KIF17: variants seen among roughly 807,000 people sequenced by gnomAD.
KIF17 encodes the protein kinesin family member 17.
Under a neutral mutation model 96.8 loss-of-function variants are expected in KIF17, and 80 were observed. The observed-to-expected ratio is 0.83, with a 90% CI of 0.69 to 1.00. The LOEUF (loss-of-function observed/expected upper bound fraction) is 1.00. KIF17 is among the 50% of genes least tolerant of loss of function. The pLI is 0.00. For missense variants in KIF17, 1,280 were observed against 1,372.9 expected (o/e 0.93, Z 1.07); for synonymous variants, 567 against 587.5 (o/e 0.97, Z 0.51).
chr1:20,712,560 TTA>T (rs1191328810), intron 3 of KIF17, among the ~76,000 whole-genome samples: 1 of 63,988 alleles, frequency 1.6e-5, no homozygotes, highest in African/African-American at 4.0e-5. Context: ...ATTATCTATA[TTA>T]TATATATAGA....
chr1:20,686,232 ACC>A, intron 8 of KIF17, 106 bp from the exon 9 acceptor site: 2 of 842,356 alleles, frequency 2.4e-6, no homozygotes, highest in Non-Finnish European at 3.9e-6. Context: ...GCCTCCCACC[ACC>A]CCCCAACCTC....
chr1:20,673,257 G>A (rs2053679809), intron 11 of KIF17, among the ~76,000 whole-genome samples: 1 of 152,000 alleles, frequency 6.6e-6, no homozygotes, highest in Non-Finnish European at 1.5e-5. Flanking sequence ...ATAAAAGAAG[G>A]ATGTTTGAAT....
At chr1:20,713,374 T>C in intron 3 of KIF17, 80 bp downstream of exon 3, 1 of 1,037,912 alleles carries the variant, frequency 9.6e-7, no homozygotes, top group East Asian at 2.5e-5. Flanking sequence ...CAGGACACTT[T>C]CCCATATTTC....
intron 11 of KIF17, among the ~76,000 whole-genome samples, chr1:20,675,092 A>G (rs1570436620): frequency 1.3e-5 from 2 of 149,858 alleles, no homozygotes; most frequent in Non-Finnish European, 1.5e-5. Flanking sequence ...CAGAGGTTGC[A>G]GTGAGCCAAG....
At chr1:20,671,114 C>T (rs1199454437) in intron 12 of KIF17, among the ~76,000 whole-genome samples, 1 of 152,138 alleles carries the variant, frequency 6.6e-6, no homozygotes, top group South Asian at 2.1e-4. Flanking sequence ...GGTTTTGATC[C>T]ATGGTCCTCC....
chr1:20,661,692 G>T, downstream of KIF17: 1 of 435,194 alleles, frequency 2.3e-6, no homozygotes, highest in African/African-American at 2.0e-5. Context: ...CCCCTAGTCT[G>T]GAGCCCACTT....
chr1:20,701,726 C>A (rs1484665991), intron 5 of KIF17, among the ~76,000 whole-genome samples: 3 of 152,142 alleles, frequency 2.0e-5, no homozygotes, highest in Non-Finnish European at 4.4e-5. Flanking sequence ...GCTGAGCCAA[C>A]TGGTGCTGAG....
Position 20,685,481 on chromosome 1 carries a change from C to T in KIF17, c.2020-461G>A, listed in dbSNP as rs1015870352. Among the ~76,000 whole-genome samples, 33 of 152,008 alleles carry T rather than the reference C, an allele frequency of 2.2e-4. No individual in the cohort carries two copies. The highest frequency in any genetic ancestry group is 1.8e-3 in the Admixed American group (27 of 15,256). ...ATAGGACCTTGGCACTTGCTATCCC[C>T]TCTGCTTGCTGCTTCCCCCCGTCCC... is the stretch of plus-strand genomic sequence containing the variant. On this transcript the variant is annotated intron_variant, in intron 9 of 14. Coordinates refer to ENST00000400463, the MANE Select transcript of KIF17 (RefSeq NM_001122819.3). This position sits in a 1 kb window ranked among gnomAD's most constrained non-coding sequence, Gnocchi z 4.1.
chr1:20,705,890 T>C (rs1238701862), intron 4 of KIF17, among the ~76,000 whole-genome samples: 1 of 131,304 alleles, frequency 7.6e-6, no homozygotes, highest in East Asian at 2.0e-4. Flanking sequence ...CAGTAGGATG[T>C]CTCTTTTTTT....
Position 20,690,352 on chromosome 1 carries a change from G to GGGGCGCCCA in KIF17, c.1234-18_1234-17insTGGGCGCCC. On this transcript the variant is annotated splice_polypyrimidine_tract_variant and intron_variant, in intron 6 of 14. Transcript: ENST00000400463. ...TTCATACTCCTGGGGGGGTGGGAGG[G>GGGGCGCCCA]ACCAGAGGGCAGGCAGCATTTTATC... 2.2e-6 allele frequency: 1 copy of GGGGCGCCCA among 451,174 alleles called. No homozygotes were observed. 27.9% of individuals were successfully genotyped at this position (451,174 alleles called of 1,614,324 possible).
At position 20,709,378 on chromosome 1, in the gene KIF17, C is replaced by CA. The variant is rs1174815436; in HGVS notation, c.670+260dup. On this transcript the variant is annotated intron_variant, in intron 4 of 14. Transcript: ENST00000400463. The surrounding 1 kb of genome is among the most constrained non-coding windows in gnomAD (Gnocchi z 4.7). ...TGGGTGACAGGGTGACACTTTGTCT[C>CA]AAAAAACAAATAAATAAATAAAAAT... Among the ~76,000 whole-genome samples, 1 of 152,100 alleles carries CA rather than the reference C, an allele frequency of 6.6e-6. No individual in the cohort carries two copies.
At chr1:20,695,909 A>G (rs16824489) in intron 6 of KIF17, among the ~76,000 whole-genome samples, 57,772 of 151,922 alleles carry the variant, frequency 0.38, 11,752 homozygotes, top group East Asian at 0.7. Flanking sequence ...CGCTCACAAT[A>G]TGCCTGTTAA....
At position 20,698,494 on chromosome 1, in the gene KIF17, GGA is replaced by G. The variant is rs1349484479; in HGVS notation, c.1124-8_1124-7del. 1.2e-6 allele frequency: 2 copies of G among 1,604,650 alleles called. No individual in the cohort carries two copies. Among genetic ancestry groups the G allele is most frequent in the South Asian group, 2.2e-5 (2 of 90,926 alleles). On this transcript the variant is annotated splice_region_variant and splice_polypyrimidine_tract_variant and intron_variant, in intron 5 of 14. Transcript: ENST00000400463. ...CACCTGCCTGGACAGCAGGGCTGGG[GGA>G]GAAACAGAAATTAGCAGCCAGGATG...
Position 20,690,352 on chromosome 1 carries a change from G to GGCCCCA in KIF17, c.1234-18_1234-17insTGGGGC. On this transcript the variant is annotated splice_polypyrimidine_tract_variant and intron_variant, in intron 6 of 14. Coordinates refer to ENST00000400463, the MANE Select transcript of KIF17 (RefSeq NM_001122819.3). ...TTCATACTCCTGGGGGGGTGGGAGG[G>GGCCCCA]ACCAGAGGGCAGGCAGCATTTTATC... 30 of 450,952 alleles carry GGCCCCA rather than the reference G, an allele frequency of 6.7e-5. No individual in the cohort carries two copies. The highest frequency in any genetic ancestry group is 1.1e-4 in the Non-Finnish European group (27 of 234,958). 27.9% of individuals were successfully genotyped at this position (450,952 alleles called of 1,614,324 possible).
intron 4 of KIF17, among the ~76,000 whole-genome samples, 157 bp from the exon 5 acceptor site, chr1:20,705,056 T>A (rs563299954): frequency 1.3e-5 from 2 of 152,316 alleles, no homozygotes; most frequent in African/African-American, 4.8e-5. Context: ...TGGGTTCATC[T>A]TACAGATGGG....
rs2053926740 is a variant in KIF17 at position 20,685,775 on chromosome 1, A to G, written c.2019+271T>C. ...CGTCCTTTGCACACACTGGGCCTCA[A>G]TTCCTTTACACAAAGGGCGACAAGG... On this transcript the variant is annotated intron_variant, in intron 9 of 14. Transcript: ENST00000400463. This position sits in a 1 kb window ranked among gnomAD's most constrained non-coding sequence, Gnocchi z 4.1. Among the ~76,000 whole-genome samples the G allele has an allele frequency of 6.6e-6, 1 of 152,164 alleles. No homozygotes were observed. The highest frequency in any genetic ancestry group is 1.5e-5 in the Non-Finnish European group (1 of 68,028).
chr1:20,665,934 T>C (rs1034764686), intron 14 of KIF17, among the ~76,000 whole-genome samples: 1 of 152,210 alleles, frequency 6.6e-6, no homozygotes, highest in Non-Finnish European at 1.5e-5. Context: ...GCCAGGCCCC[T>C]GAGCCATGCA....
chr1:20,682,791 G>A lies in KIF17; in HGVS notation c.2325C>T (p.Asp775=), dbSNP rs200888075. Residue 775 remains aspartate (D), a synonymous_variant, in exon 11 of 15, where the codon GAC becomes GAT. Coordinates refer to ENST00000400463, the MANE Select transcript of KIF17 (RefSeq NM_001122819.3). The part of the protein sequence containing the change: ...EKHKRRKRYA[D]ERRKQLVAAL... Reference sequence around the variant, plus strand: ...CAGCCACCAGCTGCTTCCTGCGCTCGTCTGCGTAGCGCTTGCGCCGCTTGT... The same window carrying A: ...CAGCCACCAGCTGCTTCCTGCGCTCATCTGCGTAGCGCTTGCGCCGCTTGT... The A allele has an allele frequency of 9.3e-6, 15 of 1,612,790 alleles. No homozygotes were observed. The highest frequency in any genetic ancestry group is 6.7e-5 in the East Asian group (3 of 44,880).
intron 11 of KIF17, among the ~76,000 whole-genome samples, chr1:20,678,963 C>T (rs895820745): frequency 6.6e-6 from 1 of 151,076 alleles, no homozygotes; most frequent in Admixed American, 6.6e-5. Context: ...GATTTTTGCC[C>T]CCTGTTTTTG....
Sources: allele counts gnomAD v4.1 joint callset (sites outside exome capture counted in the v4.1 genomes callset), GRCh38; gene constraint gnomAD v4.1.1; non-coding constraint Gnocchi (gnomAD v3.1); transcripts MANE v1.5; gene names NCBI Gene and HGNC (gene_info 2026-07-23, HGNC 2026-07-21).